PCMT1: variants seen among roughly 807,000 people sequenced by gnomAD.
PCMT1 encodes the protein protein-L-isoaspartate(D-aspartate) O-methyltransferase.
In PCMT1, 9 loss-of-function variants were observed where a neutral mutation model predicts 29.2. The ratio of observed to expected loss-of-function variants is 0.31; its 90% confidence interval spans 0.19 to 0.54. PCMT1 has a LOEUF of 0.54. Among genes scored for constraint, PCMT1 ranks in the 20% least tolerant of loss-of-function variants. The probability of loss-of-function intolerance (pLI) is 0.95; values close to 1 mark genes in which losing one functional copy is unlikely to be tolerated. For missense variants in PCMT1, 184 were observed against 282.2 expected (o/e 0.65, Z 2.49); for synonymous variants, 98 against 97.5 (o/e 1.00, Z -0.03).
Position 149,762,936 on chromosome 6 carries a change from GAT to G in PCMT1, c.56-8217_56-8216del, listed in dbSNP as rs1463088505. Among the ~76,000 whole-genome samples the G allele has an allele frequency of 1.8e-4, 9 of 49,052 alleles. 1 individual carries two copies. The highest frequency in any genetic ancestry group is 3.7e-4 in the Admixed American group (1 of 2,724). 32.2% of individuals were successfully genotyped at this position (49,052 alleles called of 152,430 possible). The stretch of plus-strand genomic sequence containing the variant: ...TGATATATATATCTATGATATATAT[GAT>G]ATATATATCTATGATATGTATATCT... On this transcript the variant is annotated intron_variant, in intron 1 of 7. Coordinates refer to ENST00000464889, the MANE Select transcript of PCMT1 (RefSeq NM_001360452.2).
At chr6:149,756,427 C>A (rs968580498) in intron 1 of PCMT1, among the ~76,000 whole-genome samples, 17 of 148,494 alleles carry the variant, frequency 1.1e-4, no homozygotes, top group Admixed American at 9.5e-4. Context: ...TAGCTCACTG[C>A]AACCTCTGTT....
At chr6:149,790,084 C>T (rs1788293321) in intron 4 of PCMT1, 26 bp downstream of exon 4, 1 of 1,309,748 alleles carries the variant, frequency 7.6e-7, no homozygotes, top group Non-Finnish European at 1.1e-6. Flanking sequence ...CTCACTCTGG[C>T]CCCAACAGAA....
chr6:149,806,767 T>A (rs1050496161), intron 7 of PCMT1, among the ~76,000 whole-genome samples: 1 of 152,108 alleles, frequency 6.6e-6, no homozygotes, highest in African/African-American at 2.4e-5. Flanking sequence ...TTTTCTTGTT[T>A]TTTTTGTAGA....
At chr6:149,768,613 G>A (rs900938783) in intron 1 of PCMT1, among the ~76,000 whole-genome samples, 1 of 151,412 alleles carries the variant, frequency 6.6e-6, no homozygotes. Flanking sequence ...ACCATGCACG[G>A]CTAGTTTTTT....
intron 2 of PCMT1, chr6:149,772,674 C>G (rs948050145): frequency 2.4e-5 from 10 of 420,618 alleles, no homozygotes; most frequent in South Asian, 8.6e-5. Flanking sequence ...GGTGACAGTA[C>G]TCTAATAGAA....
At chr6:149,777,160 C>T (rs1353499378) in intron 3 of PCMT1, among the ~76,000 whole-genome samples, 1 of 152,146 alleles carries the variant, frequency 6.6e-6, no homozygotes, top group Admixed American at 6.6e-5. Context: ...TATACTTAGC[C>T]TACCAAACTT....
chr6:149,752,740 C>T (rs890817462), intron 1 of PCMT1, among the ~76,000 whole-genome samples: 2 of 152,066 alleles, frequency 1.3e-5, no homozygotes, highest in Non-Finnish European at 2.9e-5. Flanking sequence ...AGTAATTTTC[C>T]ACCGGTAGGT....
chr6:149,787,090 A>C (rs531040476), intron 3 of PCMT1, among the ~76,000 whole-genome samples: 27 of 140,996 alleles, frequency 1.9e-4, no homozygotes, highest in Middle Eastern at 6.8e-3. Flanking sequence ...AGCCCGGCCA[A>C]CACAGCGAAA....
chr6:149,781,719 G>T (rs1042090679), intron 3 of PCMT1, among the ~76,000 whole-genome samples: 1 of 152,054 alleles, frequency 6.6e-6, no homozygotes, highest in African/African-American at 2.4e-5. Flanking sequence ...TTATATAAAT[G>T]CATTAAAATT....
intron 1 of PCMT1, among the ~76,000 whole-genome samples, chr6:149,754,390 G>A (rs578255681): frequency 2.4e-4 from 37 of 152,142 alleles, no homozygotes; most frequent in Non-Finnish European, 4.6e-4. Context: ...CAGGGAATGT[G>A]ACTATTTAAA....
At chr6:149,777,246 A>G (rs1787605102) in intron 3 of PCMT1, among the ~76,000 whole-genome samples, 1 of 152,254 alleles carries the variant, frequency 6.6e-6, no homozygotes, top group Admixed American at 6.5e-5. Context: ...ATCAACTAAC[A>G]CAAAGTCTGT....
chr6:149,798,524 T>G (rs1562423113), intron 6 of PCMT1, among the ~76,000 whole-genome samples: 1 of 152,236 alleles, frequency 6.6e-6, no homozygotes, highest in East Asian at 1.9e-4. Context: ...ATAGATGTAC[T>G]GAAGGGGCTT....
chr6:149,808,999 A>G (rs1776088499), intron 7 of PCMT1, among the ~76,000 whole-genome samples: 1 of 150,054 alleles, frequency 6.7e-6, no homozygotes, highest in South Asian at 2.1e-4. Flanking sequence ...TCACACCTGT[A>G]ATCCCAGCAC....
At position 149,762,962 on chromosome 6, in the gene PCMT1, CTA is replaced by C. The variant is rs1190026676; in HGVS notation, c.56-8198_56-8197del. Among the ~76,000 whole-genome samples the C allele has an allele frequency of 1.3e-4, 7 of 53,736 alleles. 3 individuals are homozygous for C. The Admixed American group carries it at 1.3e-3, about 10-fold the overall frequency. 35.3% of individuals were successfully genotyped at this position (53,736 alleles called of 152,430 possible). A position where few individuals can be genotyped will look rare whatever the true frequency, so the allele number is the denominator to read the frequency against. On this transcript the variant is annotated intron_variant, in intron 1 of 7. Transcript: ENST00000464889. ...ATATATATATCTATGATATGTATAT[CTA>C]TGATATATATGATATATATATCTAT...
intron 3 of PCMT1, among the ~76,000 whole-genome samples, chr6:149,779,537 G>A (rs1303779395): frequency 6.6e-6 from 1 of 151,958 alleles, no homozygotes; most frequent in Non-Finnish European, 1.5e-5. Context: ...TGACTGGGCG[G>A]GGTGGCTCAT....
chr6:149,795,560 C>A, intron 5 of PCMT1: 2 of 504,602 alleles, frequency 4.0e-6, no homozygotes. Context: ...GCCGAGAACA[C>A]AACTTTACAC....
rs1167552381 is a variant in PCMT1, at chr6:149,771,282, C to T, written c.160+16C>T. 1 of 1,391,054 alleles carries T rather than the reference C, an allele frequency of 7.2e-7. No homozygotes were observed. 86.2% of individuals were successfully genotyped at this position (1,391,054 alleles called of 1,614,324 possible). A position where few individuals can be genotyped will look rare whatever the true frequency, so the allele number is the denominator to read the frequency against. On this transcript the variant is annotated intron_variant, in intron 2 of 7. Coordinates refer to ENST00000464889, the MANE Select transcript of PCMT1 (RefSeq NM_001360452.2). ...CAATCAATAGGTAAGCTTTAGATTT[C>T]TGAAAATATCATAGTTTTCATCATT...
chr6:149,757,047 C>T (rs1012846132), intron 1 of PCMT1, among the ~76,000 whole-genome samples: 1 of 151,894 alleles, frequency 6.6e-6, no homozygotes, highest in Non-Finnish European at 1.5e-5. Context: ...CCCAGCTACT[C>T]GGAGGCTGAA....
intron 1 of PCMT1, among the ~76,000 whole-genome samples, chr6:149,769,305 A>ATTTTTTTTTTTTTT (rs1234622188): frequency 4.2e-5 from 2 of 48,124 alleles, no homozygotes; most frequent in African/African-American, 3.0e-4. Flanking sequence ...TTTGTGCAGG[A>ATTTTTTTTTTTTTT]TTCTTTTTTT....
Sources: gnomAD v4.1 joint callset for allele counts (sites outside exome capture counted in the v4.1 genomes callset) on GRCh38, gnomAD v4.1.1 for gene constraint, MANE v1.5 for transcripts, NCBI Gene and HGNC (gene_info 2026-07-23, HGNC 2026-07-21) for gene names.